EYS: variants seen among roughly 807,000 people sequenced by gnomAD.
EYS encodes the protein EGF-like photoreceptor maintenance factor.
A neutral mutation model predicts 282.1 loss-of-function variants in EYS; 250 were observed. That is an observed-to-expected ratio of 0.89 (90% CI 0.80 to 0.98). EYS has a LOEUF of 0.98. Ranked by LOEUF, EYS falls within the 50% of genes least tolerant of loss-of-function variation. The pLI, the probability that EYS is intolerant of heterozygous loss-of-function variation, is 0.00. For synonymous variants in EYS, 1,355 were observed against 1,282.9 expected (o/e 1.06, Z -1.20); for missense variants, 4,016 against 3,709.0 (o/e 1.08, Z -2.15).
intron 12 of EYS, among the ~76,000 whole-genome samples, chr6:65,191,705 A>G (rs1443885073): frequency 1.3e-5 from 2 of 151,798 alleles, no homozygotes; most frequent in South Asian, 4.1e-4. Flanking sequence ...ACTCTGGCCA[A>G]CCAGTGCCAA....
rs535678671 is a variant in EYS at position 64,801,473 on chromosome 6, T to C, written c.3443+11905A>G. 9.2e-5 allele frequency among the ~76,000 whole-genome samples: 14 copies of C among 152,226 alleles called. No homozygotes were observed. In the South Asian group the frequency reaches 2.5e-3, roughly 27 times the overall value. ...TTTCACATCCAAAGTTACTTACATA[T>C]AATTTAACATTTTTTTTGTATCCAC... On this transcript the variant is annotated intron_variant, in intron 22 of 42. Transcript: ENST00000503581.
chr6:65,186,948 A>G (rs1021398404), intron 12 of EYS, among the ~76,000 whole-genome samples: 7 of 151,882 alleles, frequency 4.6e-5, no homozygotes, highest in Non-Finnish European at 7.4e-5. Flanking sequence ...TATTTCCTCA[A>G]TGAGAAACTG....
In EYS at chr6:65,429,907, T is replaced by C. The variant is rs575003132; in HGVS notation, c.863-24540A>G. Reference sequence around the variant, plus strand: ...TATAATAATACTTTTAGTAATACTTTTAGTTTACTACGCCAAGCAGTGTTC... The same window carrying C: ...TATAATAATACTTTTAGTAATACTTCTAGTTTACTACGCCAAGCAGTGTTC... On this transcript the variant is annotated intron_variant, in intron 5 of 42. Transcript: ENST00000503581. Among the ~76,000 whole-genome samples, 259 of 152,330 alleles carry C rather than the reference T, an allele frequency of 1.7e-3. 2 individuals are homozygous for C. The highest frequency in any genetic ancestry group is 0.014 in the Middle Eastern group (4 of 294).
At chr6:65,295,792 A>T in intron 12 of EYS, 71 bp downstream of exon 12, 1 of 1,229,640 alleles carries the variant, frequency 8.1e-7, no homozygotes, top group Non-Finnish European at 1.1e-6. Flanking sequence ...TATATTTGAG[A>T]TATATCAAAT....
intron 1 of EYS, among the ~76,000 whole-genome samples, chr6:65,676,740 T>A (rs1339415683): frequency 3.3e-5 from 5 of 151,660 alleles, no homozygotes; most frequent in African/African-American, 1.2e-4. Flanking sequence ...TAAAGCTAGA[T>A]TAAAAACACT....
chr6:64,204,157 C>T (rs891984105), intron 31 of EYS, among the ~76,000 whole-genome samples: 1 of 152,118 alleles, frequency 6.6e-6, no homozygotes, highest in Non-Finnish European at 1.5e-5. Context: ...TTATTTCTGT[C>T]TTCTGGAAAC....
At position 64,617,327 on chromosome 6, in the gene EYS, A is replaced by C. The variant is rs1767305587; in HGVS notation, c.3684+91T>G. 18 of 836,434 alleles carry C rather than the reference A, an allele frequency of 2.2e-5. No individual in the cohort carries two copies. In the South Asian group the frequency reaches 2.6e-4, roughly 12 times the overall value. 51.8% of individuals were successfully genotyped at this position (836,434 alleles called of 1,614,324 possible). A position where few individuals can be genotyped will look rare whatever the true frequency, so the allele number is the denominator to read the frequency against. Reference sequence around the variant, plus strand: ...GATGCGCTGAAGATTAACTACTCCGACCTTATTTTTCACCATATAATTTTC... The same window carrying C: ...GATGCGCTGAAGATTAACTACTCCGCCCTTATTTTTCACCATATAATTTTC... On this transcript the variant is annotated intron_variant, in intron 24 of 42. Transcript: ENST00000503581.
At chr6:63,742,245 T>C (rs988533878) in intron 41 of EYS, among the ~76,000 whole-genome samples, 21 of 152,164 alleles carry the variant, frequency 1.4e-4, no homozygotes, top group African/African-American at 4.8e-4. Flanking sequence ...TTTTTTAAGG[T>C]GACTCATGCC....
intron 41 of EYS, among the ~76,000 whole-genome samples, chr6:63,745,353 C>T (rs1025743125): frequency 6.6e-6 from 1 of 152,122 alleles, no homozygotes; most frequent in Non-Finnish European, 1.5e-5. Context: ...GAGTGATGCA[C>T]CTATAGGCAA....
At chr6:64,685,591 C>A (rs752129294) in intron 22 of EYS, among the ~76,000 whole-genome samples, 1 of 152,126 alleles carries the variant, frequency 6.6e-6, no homozygotes, top group Non-Finnish European at 1.5e-5. Flanking sequence ...ATCTCTGCAC[C>A]TGCTGGCTCC....
chr6:64,975,877 C>T (rs1481394820), intron 14 of EYS, among the ~76,000 whole-genome samples: 1 of 151,552 alleles, frequency 6.6e-6, no homozygotes, highest in African/African-American at 2.4e-5. Flanking sequence ...AAACTAAATA[C>T]TGTACTAAAA....
intron 29 of EYS, among the ~76,000 whole-genome samples, chr6:64,323,641 T>C (rs770680374): frequency 2.6e-5 from 4 of 152,168 alleles, no homozygotes; most frequent in Admixed American, 6.6e-5. Context: ...AGGGAGCTAG[T>C]AGCTAGGGGC....
At chr6:64,798,607 GTTTTTTTTTT>G (rs57597318) in intron 22 of EYS, among the ~76,000 whole-genome samples, 3 of 106,810 alleles carry the variant, frequency 2.8e-5, no homozygotes, top group Non-Finnish European at 3.7e-5. Context: ...TTTGTTTCTG[GTTTTTTTTTT>G]TTTTTTTTTT....
In EYS at chr6:65,064,518, ACTATATACTAATATACTCTG is replaced by A. The variant is rs545143643; in HGVS notation, c.2024-6811_2024-6792del. Among the ~76,000 whole-genome samples the A allele has an allele frequency of 8.9e-3, 1,311 of 147,124 alleles. 10 individuals are homozygous for A. Among genetic ancestry groups the A allele is most frequent in the Middle Eastern group, 0.015 (4 of 270 alleles). On this transcript the variant is annotated intron_variant, in intron 12 of 42. Coordinates refer to ENST00000503581, the MANE Select transcript of EYS (RefSeq NM_001142800.2). ...ATATATAATATAGTATAATATATGT[ACTATATACTAATATACTCTG>A]CTATATACTAATATACTCTGCTATA...
intron 28 of EYS, 94 bp from the exon 29 acceptor site, chr6:64,388,934 G>A (rs1486954311): frequency 3.1e-5 from 25 of 818,192 alleles, no homozygotes; most frequent in Non-Finnish European, 4.2e-5. Flanking sequence ...AATAATTTAA[G>A]TAAATAGATT....
chr6:65,421,110 G>A (rs1767440294), intron 5 of EYS, among the ~76,000 whole-genome samples: 1 of 151,836 alleles, frequency 6.6e-6, no homozygotes, highest in Non-Finnish European at 1.5e-5. Context: ...TCTGTTCTTT[G>A]AAGGTTTAAA....
intron 31 of EYS, among the ~76,000 whole-genome samples, chr6:64,201,335 T>C (rs1373727303): frequency 6.6e-6 from 1 of 152,176 alleles, no homozygotes; most frequent in Non-Finnish European, 1.5e-5. Context: ...TGAGCTTTTC[T>C]ACTTCAAATG....
chr6:63,903,475 C>T (rs1490278703), intron 35 of EYS, among the ~76,000 whole-genome samples: 3 of 152,168 alleles, frequency 2.0e-5, no homozygotes, highest in Admixed American at 6.5e-5. Context: ...AGGTACTTAA[C>T]TTCATTGTTT....
intron 12 of EYS, among the ~76,000 whole-genome samples, chr6:65,070,007 A>G (rs1306140036): frequency 6.6e-6 from 1 of 151,822 alleles, no homozygotes; most frequent in African/African-American, 2.4e-5. Flanking sequence ...CACTAATTAA[A>G]CTCAAGTGAT....
Sources: gnomAD v4.1 joint callset for allele counts (sites outside exome capture counted in the v4.1 genomes callset) on GRCh38, gnomAD v4.1.1 for gene constraint, MANE v1.5 for transcripts, NCBI Gene and HGNC (gene_info 2026-07-23, HGNC 2026-07-21) for gene names.